The following PTPN21 variants were observed in gnomAD, a reference collection of about 807,000 sequenced individuals.
PTPN21 encodes the protein tyrosine-protein phosphatase non-receptor type 21.
A neutral mutation model predicts 131.8 loss-of-function variants in PTPN21; 77 were observed. The ratio of observed to expected loss-of-function variants is 0.58; its 90% CI spans 0.49 to 0.71. The LOEUF is 0.71. PTPN21 is among the 30% of genes least tolerant of loss of function. The pLI is 0.00. For synonymous variants in PTPN21, 715 were observed against 621.3 expected (o/e 1.15, Z -2.24); for missense variants, 1,552 against 1,527.1 (o/e 1.02, Z -0.27).
chr14:88,524,282 T>C (rs982935001), intron 2 of PTPN21, among the ~76,000 whole-genome samples: 9 of 152,160 alleles, frequency 5.9e-5, no homozygotes, highest in Admixed American at 1.3e-4. Flanking sequence ...GAGAGACATA[T>C]AGACAAATAG....
chr14:88,527,706 T>A (rs930218388), intron 2 of PTPN21, among the ~76,000 whole-genome samples: 1 of 152,202 alleles, frequency 6.6e-6, no homozygotes, highest in South Asian at 2.1e-4. Flanking sequence ...GTTTTTGGGT[T>A]TTTGGTCACA....
chr14:88,519,229 T>C (rs1313973872), intron 2 of PTPN21, among the ~76,000 whole-genome samples: 3 of 152,214 alleles, frequency 2.0e-5, no homozygotes, highest in African/African-American at 7.2e-5. Flanking sequence ...TGCTAATACT[T>C]GCCTCAAAAT....
chr14:88,517,731 C>G (rs1287858214), intron 2 of PTPN21, among the ~76,000 whole-genome samples: 1 of 109,958 alleles, frequency 9.1e-6, no homozygotes, highest in Non-Finnish European at 1.8e-5. Context: ...TGTATATATA[C>G]TATATATACA....
chr14:88,500,920 G>T, intron 7 of PTPN21, 49 bp from the exon 8 acceptor site: 6 of 1,322,436 alleles, frequency 4.5e-6, no homozygotes, highest in Non-Finnish European at 6.6e-6. Flanking sequence ...AGATGCAGAG[G>T]AACTGCTGCT....
At chr14:88,536,166 T>C (rs1369167414) in intron 2 of PTPN21, among the ~76,000 whole-genome samples, 1 of 152,194 alleles carries the variant, frequency 6.6e-6, no homozygotes, top group African/African-American at 2.4e-5. Flanking sequence ...CTAGATCAAT[T>C]CTCAATAGTC....
intron 12 of PTPN21, among the ~76,000 whole-genome samples, chr14:88,484,024 C>A (rs2077693242): frequency 6.6e-6 from 1 of 150,486 alleles, no homozygotes; most frequent in African/African-American, 2.4e-5. Flanking sequence ...CTTGTCTTAT[C>A]TTAAACTATT....
In PTPN21 at chr14:88,517,048, T is replaced by A. The variant is rs376722968; in HGVS notation, c.350+44A>T. The stretch of plus-strand genomic sequence containing the variant: ...CAACCTTAGTTTCACTTTTTACATC[T>A]CACTAGACTATTTCCTAAAAACAAA... On this transcript the variant is annotated intron_variant, in intron 3 of 18. Transcript: ENST00000556564. 37 of 1,594,300 alleles carry A rather than the reference T, an allele frequency of 2.3e-5. 1 individual carries two copies. In the African/African-American group the frequency reaches 4.8e-4, roughly 21 times the overall value.
At position 88,468,177 on chromosome 14, in the gene PTPN21, C is replaced by G. The variant is rs993657645; in HGVS notation, c.3485G>C (p.Arg1162Thr). The G allele has an allele frequency of 1.2e-6, 2 of 1,613,746 alleles. No individual in the cohort carries two copies. The highest frequency in any genetic ancestry group is 1.7e-6 in the Non-Finnish European group (2 of 1,179,660). The change falls in exon 19 of 19, where the codon AGA (arginine) becomes ACA (threonine). Residue 1162 changes from arginine (R) to threonine (T), a missense_variant. By Grantham distance (71) the Arg-to-Thr change is moderately conservative (BLOSUM62 -1). Coordinates refer to ENST00000556564, the MANE Select transcript of PTPN21 (RefSeq NM_007039.4). The part of the protein sequence containing the change: ...QTLCQYTFVY[R>T]VLIQFLKSSR... ...GCTTTTCAGGAACTGGATGAGGACT[C>G]TGTACACAAATGTGTACTGGCAGAG...
At chr14:88,515,599 T>A (rs996759797) in intron 3 of PTPN21, 15 of 152,212 alleles carry the variant, frequency 9.9e-5, no homozygotes, top group African/African-American at 3.1e-4. Context: ...TCCCCCTGCT[T>A]TGCAAAAACT....
rs1443903081 is a variant in PTPN21, at chr14:88,466,535, G to A, written c.*1602C>T. On this transcript the variant is annotated 3_prime_UTR_variant, in exon 19 of 19. Transcript: ENST00000556564. ...TAATTTGGGAAACAGCCCTAGATTT[G>A]ACATTTTGGAAGTTCACTGTAAGAA... The A allele has an allele frequency of 2.0e-5, 3 of 152,174 alleles. No homozygotes were observed. The highest frequency in any genetic ancestry group is 7.2e-5 in the African/African-American group (3 of 41,440). The allele number at this position is 152,174 out of a possible 1,614,324, so 9.4% of individuals were successfully genotyped here.
chr14:88,486,095 C>A (rs1768531358), intron 10 of PTPN21, among the ~76,000 whole-genome samples: 1 of 152,164 alleles, frequency 6.6e-6, no homozygotes, highest in Admixed American at 6.5e-5. Context: ...CCTGGACCCA[C>A]AAGGGGATCA....
At chr14:88,520,723 TAA>T (rs942194462) in intron 2 of PTPN21, among the ~76,000 whole-genome samples, 2 of 152,220 alleles carry the variant, frequency 1.3e-5, no homozygotes, top group African/African-American at 4.8e-5. Context: ...AGTGAAATGG[TAA>T]AGTCAATCAA....
Position 88,480,307 on chromosome 14 carries a change from TGA to T in PTPN21, c.1122_1123del (p.Gln375AspfsTer5). 1 of 1,614,192 alleles carries T rather than the reference TGA, an allele frequency of 6.2e-7. No homozygotes were observed. The highest frequency in any genetic ancestry group is 1.6e-4 in the Middle Eastern group (1 of 6,062). ...AATCTGGGCTCTATCCAAGCTTGTC[TGA>T]GAGTGACAGTAGTATCCGTTCTGGT... On this transcript the variant is annotated frameshift_variant, in exon 13 of 19. Transcript: ENST00000556564. LOFTEE classifies it high-confidence loss of function.
At chr14:88,495,835 T>C (rs1215805793) in intron 10 of PTPN21, among the ~76,000 whole-genome samples, 2 of 152,094 alleles carry the variant, frequency 1.3e-5, no homozygotes, top group Non-Finnish European at 2.9e-5. Context: ...GAAAGTCACC[T>C]GACCACAACA....
intron 6 of PTPN21, among the ~76,000 whole-genome samples, chr14:88,502,117 G>T (rs1041022965): frequency 1.3e-5 from 2 of 152,196 alleles, no homozygotes; most frequent in African/African-American, 4.8e-5. Context: ...ACTAGGATGG[G>T]TAGGAAGGCA....
chr14:88,493,065 T>TA (rs1479472538), intron 10 of PTPN21: 4 of 456,488 alleles, frequency 8.8e-6, no homozygotes, highest in African/African-American at 4.0e-5. Flanking sequence ...CTGCTCCACT[T>TA]ACTAGTTGTG....
At position 88,468,871 on chromosome 14, in the gene PTPN21, C is replaced by T. The variant is rs907047692; in HGVS notation, c.3396+45G>A. ...GTCACTATGTCCCTCTCTTCCCCAGCCTCATTTCCACCCAAAAAGGCCAGG... is the reference window on the plus strand; with the variant it reads ...GTCACTATGTCCCTCTCTTCCCCAGTCTCATTTCCACCCAAAAAGGCCAGG... On this transcript the variant is annotated intron_variant, in intron 18 of 18. Transcript: ENST00000556564. 3.1e-6 allele frequency: 5 copies of T among 1,612,492 alleles called. No homozygotes were observed. In the African/African-American group the frequency reaches 5.3e-5, roughly 17 times the overall value.
At chr14:88,498,218 G>A (rs995673428) in intron 8 of PTPN21, among the ~76,000 whole-genome samples, 1 of 151,966 alleles carries the variant, frequency 6.6e-6, no homozygotes, top group Non-Finnish European at 1.5e-5. Context: ...AGAAGTTGCA[G>A]TGAACCAAGA....
intron 3 of PTPN21, among the ~76,000 whole-genome samples, chr14:88,516,660 C>T (rs1035668791): frequency 6.6e-6 from 1 of 152,136 alleles, no homozygotes; most frequent in Admixed American, 6.6e-5. Flanking sequence ...GTACTCCCTC[C>T]CCAACCGGTC....
Sources: allele counts gnomAD v4.1 joint callset (sites outside exome capture counted in the v4.1 genomes callset), GRCh38; gene constraint gnomAD v4.1.1; transcripts MANE v1.5; gene names NCBI Gene and HGNC (gene_info 2026-07-23, HGNC 2026-07-21).